Variants in SNX2 observed in about 807,000 individuals in gnomAD.
SNX2 encodes sorting nexin 2, also known as sorting nexin-2.
A neutral mutation model predicts 69.9 loss-of-function variants in SNX2; 25 were observed. That is an observed-to-expected ratio of 0.36 (90% CI 0.26 to 0.50). The LOEUF is 0.50. Ranked by LOEUF, SNX2 falls within the 20% of genes least tolerant of loss-of-function variation. The pLI is 0.97. For missense variants in SNX2, 551 were observed against 613.3 expected (o/e 0.90, Z 1.07); for synonymous variants, 229 against 200.4 (o/e 1.14, Z -1.20).
intron 7 of SNX2, among the ~76,000 whole-genome samples, chr5:122,814,519 T>G (rs1309049657): frequency 6.6e-6 from 1 of 152,190 alleles, no homozygotes; most frequent in Non-Finnish European, 1.5e-5. Flanking sequence ...AGTTAACATT[T>G]TGATACTGAT....
chr5:122,791,853 T>C (rs80339668), intron 1 of SNX2, among the ~76,000 whole-genome samples: 1 of 152,120 alleles, frequency 6.6e-6, no homozygotes, highest in Non-Finnish European at 1.5e-5. Context: ...GAGTAAAGAG[T>C]AGTGAACAAG....
chr5:122,781,573 A>C (rs1380978157), intron 1 of SNX2, among the ~76,000 whole-genome samples: 4 of 152,216 alleles, frequency 2.6e-5, no homozygotes, highest in Non-Finnish European at 5.9e-5. Context: ...TTAATTTTAA[A>C]TAAACTGCCA....
At position 122,784,043 on chromosome 5, in the gene SNX2, T is replaced by G. The variant is rs148883303; in HGVS notation, c.108+8832T>G. ...ATAGTTTTTAGTGCTTTTATTTCTT[T>G]TATTACTTTTTATATTTCCCCTTTG... On this transcript the variant is annotated intron_variant, in intron 1 of 14. Coordinates refer to ENST00000379516, the MANE Select transcript of SNX2 (RefSeq NM_003100.4). Among the ~76,000 whole-genome samples the G allele has an allele frequency of 6.0e-3, 910 of 152,008 alleles. 21 individuals are homozygous for G. Among genetic ancestry groups the G allele is most frequent in the Non-Finnish European group, 5.6e-3 (382 of 67,910 alleles).
chr5:122,781,933 A>G (rs1466686100), intron 1 of SNX2, among the ~76,000 whole-genome samples: 2 of 152,114 alleles, frequency 1.3e-5, no homozygotes, highest in Admixed American at 1.3e-4. Context: ...ACATTTCACT[A>G]TTACCTATGC....
chr5:122,829,773 T>TACAC lies in SNX2; in HGVS notation c.*126_*127insCACA, dbSNP rs879489736. On this transcript the variant is annotated 3_prime_UTR_variant, in exon 15 of 15. Coordinates refer to ENST00000379516, the MANE Select transcript of SNX2 (RefSeq NM_003100.4). ...ATTTTATGAATTACATGTGGTTTTATATACACACACACACACACACACACA... is the reference window on the plus strand; with the variant it reads ...ATTTTATGAATTACATGTGGTTTTATACACATACACACACACACACACACACACA... 3.7e-4 allele frequency: 226 copies of TACAC among 608,764 alleles called. 1 individual carries two copies. The highest frequency in any genetic ancestry group is 4.8e-4 in the Non-Finnish European group (166 of 344,106). The allele number at this position is 608,764 out of a possible 1,614,324, so 37.7% of individuals were successfully genotyped here.
chr5:122,784,668 TTG>T (rs917854009), intron 1 of SNX2, among the ~76,000 whole-genome samples: 18 of 152,206 alleles, frequency 1.2e-4, no homozygotes, highest in Non-Finnish European at 2.9e-5. Flanking sequence ...GTTTAGGCTT[TTG>T]TGTCTGTGTT....
rs1409461961 is a variant in SNX2, at chr5:122,831,322, T to A, written c.*1674T>A. Among the ~76,000 whole-genome samples, 3 of 151,996 alleles carry A rather than the reference T, an allele frequency of 2.0e-5. No individual in the cohort carries two copies. Among genetic ancestry groups the A allele is most frequent in the African/African-American group, 7.2e-5 (3 of 41,398 alleles). On this transcript the variant is annotated 3_prime_UTR_variant, in exon 15 of 15. Transcript: ENST00000379516. ...TAATAGGTTAATAATAAGGGCTTGA[T>A]GGGCCAGGCACAGTGACTCACATGC...
chr5:122,810,963 T>C (rs971348620), intron 7 of SNX2, among the ~76,000 whole-genome samples: 13 of 152,228 alleles, frequency 8.5e-5, no homozygotes, highest in African/African-American at 3.1e-4. Context: ...TTTTAATCTG[T>C]ACAGGATTCT....
intron 5 of SNX2, 52 bp downstream of exon 5, chr5:122,802,176 A>T: frequency 7.2e-7 from 1 of 1,396,648 alleles, no homozygotes; most frequent in Non-Finnish European, 1.0e-6. Context: ...TATGTGTAGT[A>T]TGAGGATATG....
At chr5:122,810,567 T>G (rs1008431924) in intron 7 of SNX2, among the ~76,000 whole-genome samples, 3 of 152,184 alleles carry the variant, frequency 2.0e-5, no homozygotes, top group Non-Finnish European at 4.4e-5. Flanking sequence ...AGGAACTTAA[T>G]GAAGATTTAC....
chr5:122,799,630 A>C, intron 2 of SNX2, 62 bp from the exon 3 acceptor site: 2 of 1,073,330 alleles, frequency 1.9e-6, no homozygotes, highest in Non-Finnish European at 1.3e-6. Context: ...ATTAACTGCT[A>C]TGTAGAATAT....
intron 11 of SNX2, among the ~76,000 whole-genome samples, chr5:122,820,058 G>A (rs1237341601): frequency 6.6e-6 from 1 of 152,116 alleles, no homozygotes; most frequent in African/African-American, 2.4e-5. Flanking sequence ...CATAGCAATT[G>A]TCAGAGTATA....
At chr5:122,827,698 C>CT (rs1754183834) in intron 14 of SNX2, 52 bp downstream of exon 14, 1 of 1,302,468 alleles carries the variant, frequency 7.7e-7, no homozygotes, top group African/African-American at 1.5e-5. Context: ...TTTTGGTATA[C>CT]TTTCTTATTT....
intron 3 of SNX2, among the ~76,000 whole-genome samples, 188 bp downstream of exon 3, chr5:122,800,043 T>A (rs542536042): frequency 1.3e-5 from 2 of 152,254 alleles, no homozygotes; most frequent in Admixed American, 6.5e-5. Flanking sequence ...GGCATATCAT[T>A]TACCTTGTTA....
chr5:122,819,078 T>A, intron 11 of SNX2, 55 bp downstream of exon 11: 1 of 1,384,910 alleles, frequency 7.2e-7, no homozygotes. Context: ...AAAAGTATTT[T>A]GTTTCCTATT....
At chr5:122,818,772 T>C in intron 10 of SNX2, 46 bp from the exon 11 acceptor site, 2 of 1,514,628 alleles carry the variant, frequency 1.3e-6, no homozygotes, top group Non-Finnish European at 1.8e-6. Context: ...TATTTTAAAA[T>C]TTTATGAGTG....
rs763097343 is a variant in SNX2, at chr5:122,832,897, T to C, written c.*3249T>C. 1.3e-5 allele frequency: 2 copies of C among 152,208 alleles called. No individual in the cohort carries two copies. Among genetic ancestry groups the C allele is most frequent in the African/African-American group, 4.8e-5 (2 of 41,446 alleles). 9.4% of individuals were successfully genotyped at this position (152,208 alleles called of 1,614,324 possible). On this transcript the variant is annotated 3_prime_UTR_variant, in exon 15 of 15. Coordinates refer to ENST00000379516, the MANE Select transcript of SNX2 (RefSeq NM_003100.4). ...GATATTCCATAATAGTGACTGCAGATAGGCCAGTCAAAGTCATTTTGTTTT... is the reference window on the plus strand; with the variant it reads ...GATATTCCATAATAGTGACTGCAGACAGGCCAGTCAAAGTCATTTTGTTTT...
chr5:122,823,859 C>G (rs544027142), intron 11 of SNX2, among the ~76,000 whole-genome samples: 58 of 151,444 alleles, frequency 3.8e-4, no homozygotes, highest in African/African-American at 1.3e-3. Flanking sequence ...TTCCAACATG[C>G]GGCCGGGGAC....
At chr5:122,803,779 T>C in intron 6 of SNX2, 166 bp downstream of exon 6, 2 of 523,192 alleles carry the variant, frequency 3.8e-6, no homozygotes, top group East Asian at 6.4e-5. Flanking sequence ...GATTGAAGAA[T>C]GTATTGGTAA....
Sources: gnomAD v4.1 joint callset for allele counts (sites outside exome capture counted in the v4.1 genomes callset) on GRCh38, gnomAD v4.1.1 for gene constraint, MANE v1.5 for transcripts, NCBI Gene and HGNC (gene_info 2026-07-23, HGNC 2026-07-21) for gene names.